Variants in TMEM178B observed in about 807,000 individuals in gnomAD.
TMEM178B encodes the protein transmembrane protein 178B.
Under a neutral mutation model 31.0 loss-of-function variants are expected in TMEM178B, and 5 were observed. That is an observed-to-expected ratio of 0.16 (90% confidence interval 0.08 to 0.34). The LOEUF (loss-of-function observed/expected upper bound fraction) is 0.34, where lower values mean the gene tolerates loss of function less well. Ranked by LOEUF, TMEM178B falls within the 10% of genes least tolerant of loss-of-function variation. The pLI is 1.00. For synonymous variants in TMEM178B, 164 were observed against 164.0 expected, an observed-to-expected ratio of 1.00 and a Z score of 0.00; for missense variants, 275 against 400.3, an observed-to-expected ratio of 0.69 and a Z score of 2.67.
intron 2 of TMEM178B, among the ~76,000 whole-genome samples, chr7:141,389,151 C>A (rs368656419): frequency 9.5e-4 from 144 of 152,300 alleles, no homozygotes; most frequent in African/African-American, 3.3e-3. Flanking sequence ...AACATGCCAG[C>A]AAATTCATCA....
At chr7:141,111,872 G>A (rs1288572333) in intron 1 of TMEM178B, among the ~76,000 whole-genome samples, 1 of 152,130 alleles carries the variant, frequency 6.6e-6, no homozygotes, top group Non-Finnish European at 1.5e-5. Context: ...ATGAGTGTTT[G>A]CCTATATCAA....
intron 2 of TMEM178B, among the ~76,000 whole-genome samples, chr7:141,340,498 A>T (rs770946671): frequency 1.2e-4 from 18 of 152,236 alleles, no homozygotes; most frequent in African/African-American, 4.3e-4. Context: ...AGAAGGTTTT[A>T]TGTTTTTCAA....
chr7:141,318,409 T>A lies in TMEM178B; in HGVS notation c.496+105705T>A, dbSNP rs149301375. On this transcript the variant is annotated intron_variant, in intron 2 of 3. Coordinates refer to ENST00000565468, the MANE Select transcript of TMEM178B (RefSeq NM_001195278.2). This position sits in a 1 kb window ranked among gnomAD's most constrained non-coding sequence, Gnocchi z 4.1. ...TCCAAGCTGGCTTGAATTAATCTAG[T>A]GGGGGGAAAACCCAAGTGTTTGGTT... 3.4e-4 allele frequency among the ~76,000 whole-genome samples: 52 copies of A among 152,296 alleles called. No individual in the cohort carries two copies. The highest frequency in any genetic ancestry group is 6.8e-4 in the Non-Finnish European group (46 of 68,022).
chr7:141,134,368 G>A lies in TMEM178B; in HGVS notation c.382+59676G>A, dbSNP rs113256616. Reference sequence around the variant, plus strand: ...GTAAAGTTAGCTTTCAAAAATTAAGGAGAAATAAAGTCTTTCCCAGACAAG... The same window carrying A: ...GTAAAGTTAGCTTTCAAAAATTAAGAAGAAATAAAGTCTTTCCCAGACAAG... On this transcript the variant is annotated intron_variant, in intron 1 of 3. Transcript: ENST00000565468. 3.5e-3 allele frequency among the ~76,000 whole-genome samples: 533 copies of A among 152,206 alleles called. 2 individuals are homozygous for A. Among genetic ancestry groups the A allele is most frequent in the African/African-American group, 0.012 (478 of 41,528 alleles).
At chr7:141,090,927 C>T (rs1008064208) in intron 1 of TMEM178B, among the ~76,000 whole-genome samples, 1 of 152,174 alleles carries the variant, frequency 6.6e-6, no homozygotes, top group African/African-American at 2.4e-5. Flanking sequence ...AAGGACTTCT[C>T]CTTTAGCCAT....
chr7:141,202,638 A>T (rs1332425053), intron 1 of TMEM178B, among the ~76,000 whole-genome samples: 1 of 152,212 alleles, frequency 6.6e-6, no homozygotes, highest in Non-Finnish European at 1.5e-5. Context: ...AAGAAAATAA[A>T]ACCTTCTTTC....
chr7:141,225,372 T>C (rs1797324804), intron 2 of TMEM178B, among the ~76,000 whole-genome samples: 1 of 152,204 alleles, frequency 6.6e-6, no homozygotes, highest in South Asian at 2.1e-4. Context: ...AAGAAAGCTA[T>C]TTATTTTCCA....
At chr7:141,329,075 GA>G (rs1238858104) in intron 2 of TMEM178B, among the ~76,000 whole-genome samples, 1 of 152,098 alleles carries the variant, frequency 6.6e-6, no homozygotes, top group Non-Finnish European at 1.5e-5. Flanking sequence ...AATCAACCCT[GA>G]AACCTTGGAA....
At chr7:141,469,595 T>C (rs1802202789) in intron 3 of TMEM178B, among the ~76,000 whole-genome samples, 1 of 152,216 alleles carries the variant, frequency 6.6e-6, no homozygotes, top group Non-Finnish European at 1.5e-5. Context: ...TCCCAAACTA[T>C]ACATCCTTCT....
intron 1 of TMEM178B, among the ~76,000 whole-genome samples, chr7:141,203,582 A>C (rs547283144): frequency 6.6e-6 from 1 of 152,292 alleles, no homozygotes; most frequent in South Asian, 2.1e-4. Context: ...TTCCCAGCAA[A>C]TCTTCCACCC....
intron 1 of TMEM178B, among the ~76,000 whole-genome samples, chr7:141,116,749 G>A (rs1017180810): frequency 7.9e-5 from 12 of 151,954 alleles, no homozygotes; most frequent in Non-Finnish European, 1.2e-4. Context: ...TCCTACTTAC[G>A]AGTGAGAGCG....
chr7:141,226,040 G>A (rs1797336858), intron 2 of TMEM178B, among the ~76,000 whole-genome samples: 2 of 152,130 alleles, frequency 1.3e-5, no homozygotes, highest in South Asian at 4.1e-4. Flanking sequence ...GAAACCACGA[G>A]GCTGCTAAAC....
At chr7:141,335,002 TTC>T (rs1423200394) in intron 2 of TMEM178B, among the ~76,000 whole-genome samples, 1 of 152,212 alleles carries the variant, frequency 6.6e-6, no homozygotes, top group African/African-American at 2.4e-5. Context: ...CCTTTATCTT[TTC>T]CTCCCTCGAG....
chr7:141,291,800 C>T (rs964033033), intron 2 of TMEM178B, among the ~76,000 whole-genome samples: 3 of 152,170 alleles, frequency 2.0e-5, no homozygotes, highest in Non-Finnish European at 4.4e-5. Flanking sequence ...AAAAAAAAGT[C>T]ACAGTCTTGT....
intron 2 of TMEM178B, among the ~76,000 whole-genome samples, chr7:141,369,472 G>A (rs1290538444): frequency 2.0e-5 from 3 of 152,048 alleles, no homozygotes; most frequent in Non-Finnish European, 4.4e-5. Context: ...TCCTTGCAGG[G>A]TTTCTGGGCT....
intron 2 of TMEM178B, among the ~76,000 whole-genome samples, chr7:141,258,940 G>C (rs1256194191): frequency 6.6e-6 from 1 of 152,094 alleles, no homozygotes; most frequent in African/African-American, 2.4e-5. Flanking sequence ...CCTGAGTGTG[G>C]ACATTCTTCT....
chr7:141,308,787 G>A (rs183498738), intron 2 of TMEM178B, among the ~76,000 whole-genome samples: 60 of 152,298 alleles, frequency 3.9e-4, no homozygotes, highest in Admixed American at 3.7e-3. Context: ...CCTGCCCGAC[G>A]CTGGGCCATG....
At chr7:141,186,244 G>T (rs905589011) in intron 1 of TMEM178B, among the ~76,000 whole-genome samples, 1 of 152,168 alleles carries the variant, frequency 6.6e-6, no homozygotes, top group Non-Finnish European at 1.5e-5. Context: ...CCAAGCAGGT[G>T]GTGCCAATAG....
At chr7:141,464,078 G>A (rs1802108097) in intron 3 of TMEM178B, among the ~76,000 whole-genome samples, 2 of 152,114 alleles carry the variant, frequency 1.3e-5, no homozygotes, top group African/African-American at 2.4e-5. Flanking sequence ...GGGTAGCAGC[G>A]AGCCTTTCAG....
Sources: gnomAD v4.1 joint callset for allele counts (sites outside exome capture counted in the v4.1 genomes callset) on GRCh38, gnomAD v4.1.1 for gene constraint, Gnocchi (gnomAD v3.1) non-coding constraint, MANE v1.5 for transcripts, NCBI Gene and HGNC (gene_info 2026-07-23, HGNC 2026-07-21) for gene names.